The following RBMS3 variants were observed in gnomAD, a reference collection of about 807,000 sequenced individuals.
The protein encoded by RBMS3 is RNA binding motif single stranded interacting protein 3, also known as RNA-binding motif, single-stranded-interacting protein 3.
RBMS3 carries 27 observed loss-of-function variants against 66.8 expected under a neutral mutation model. The ratio of observed to expected loss-of-function variants is 0.40; its 90% CI spans 0.30 to 0.56. RBMS3 has a LOEUF of 0.56. RBMS3 is among the 20% of genes least tolerant of loss of function. The pLI is 0.40. For missense variants in RBMS3, 513 were observed against 549.5 expected (o/e 0.93, Z 0.66); for synonymous variants, 188 against 183.0 (o/e 1.03, Z -0.22).
intron 12 of RBMS3, among the ~76,000 whole-genome samples, chr3:29,947,099 A>G (rs1487674518): frequency 6.6e-6 from 1 of 151,636 alleles, no homozygotes; most frequent in Non-Finnish European, 1.5e-5. Flanking sequence ...AGCAGTTTCA[A>G]TGAGATGTAC....
chr3:29,801,329 G>A (rs12491017), intron 6 of RBMS3, among the ~76,000 whole-genome samples: 7,148 of 144,826 alleles, frequency 0.049, 251 homozygotes, highest in Admixed American at 0.087. Context: ...ATGCAGTGGT[G>A]TGATCTCTGC....
At chr3:29,500,065 T>G (rs2043907728) in intron 3 of RBMS3, among the ~76,000 whole-genome samples, 1 of 114,762 alleles carries the variant, frequency 8.7e-6, no homozygotes, top group Non-Finnish European at 1.7e-5. Context: ...AGAAGGATTT[T>G]CTTTTTTTTT....
chr3:29,787,931 G>T (rs1413136688), intron 6 of RBMS3, among the ~76,000 whole-genome samples: 1 of 152,052 alleles, frequency 6.6e-6, no homozygotes, highest in Non-Finnish European at 1.5e-5. Context: ...TTCTTCTAAT[G>T]TACATTTGAT....
intron 3 of RBMS3, among the ~76,000 whole-genome samples, chr3:29,494,775 C>T (rs1202067932): frequency 1.3e-5 from 2 of 152,134 alleles, no homozygotes; most frequent in Non-Finnish European, 2.9e-5. Flanking sequence ...AGGTTGGTTT[C>T]CCTTTTCTCC....
chr3:29,819,794 C>G (rs1401645987), intron 6 of RBMS3, among the ~76,000 whole-genome samples: 1 of 152,070 alleles, frequency 6.6e-6, no homozygotes. Flanking sequence ...AAGACATTTT[C>G]TAGTATATGA....
At chr3:29,858,404 G>T (rs2059133628) in intron 6 of RBMS3, among the ~76,000 whole-genome samples, 1 of 152,192 alleles carries the variant, frequency 6.6e-6, no homozygotes, top group African/African-American at 2.4e-5. Context: ...GAGGAATGAG[G>T]CAGGATCAGA....
chr3:29,582,507 T>G (rs2047368998), intron 3 of RBMS3, among the ~76,000 whole-genome samples: 1 of 152,216 alleles, frequency 6.6e-6, no homozygotes, highest in Non-Finnish European at 1.5e-5. Context: ...CTGCCAAGCT[T>G]AATTATGTAA....
intron 12 of RBMS3, among the ~76,000 whole-genome samples, chr3:29,970,131 G>A (rs1334156290): frequency 6.6e-6 from 1 of 152,106 alleles, no homozygotes; most frequent in Non-Finnish European, 1.5e-5. Context: ...ATATAATGTA[G>A]GAAACATGAC....
At chr3:29,983,067 C>T (rs1180591668) in intron 12 of RBMS3, among the ~76,000 whole-genome samples, 5 of 152,092 alleles carry the variant, frequency 3.3e-5, no homozygotes, top group Admixed American at 2.6e-4. Flanking sequence ...TCTCTAAGAA[C>T]TTGCTTTAGT....
chr3:29,986,508 T>C (rs1471221659), intron 12 of RBMS3, among the ~76,000 whole-genome samples: 8 of 152,234 alleles, frequency 5.3e-5, no homozygotes, highest in Non-Finnish European at 1.0e-4. Context: ...ACTCTCAGTA[T>C]AGCTAGTGTT....
At position 29,391,601 on chromosome 3, in the gene RBMS3, T is replaced by C. The variant is rs185394672; in HGVS notation, c.76-43142T>C. Among the ~76,000 whole-genome samples the C allele has an allele frequency of 2.6e-4, 40 of 152,302 alleles. No homozygotes were observed. In the East Asian group the frequency reaches 7.4e-3, roughly 28 times the overall value. On this transcript the variant is annotated intron_variant, in intron 1 of 14. Transcript: ENST00000383767. ...CACTCTTAGCTATAAGCTGAGAGTA[T>C]TCCTAGCATGCTATTTAAATCTGAC... is the stretch of plus-strand genomic sequence containing the variant.
At chr3:29,581,230 A>G (rs1465108124) in intron 3 of RBMS3, among the ~76,000 whole-genome samples, 1 of 152,202 alleles carries the variant, frequency 6.6e-6, no homozygotes, top group African/African-American at 2.4e-5. Flanking sequence ...TGAAGAAATG[A>G]GTAGGTTTTC....
chr3:29,518,517 G>T (rs1026098463), intron 3 of RBMS3, among the ~76,000 whole-genome samples: 1 of 152,074 alleles, frequency 6.6e-6, no homozygotes, highest in Non-Finnish European at 1.5e-5. Context: ...AGTAAAAGAA[G>T]GTCATTATTA....
intron 1 of RBMS3, among the ~76,000 whole-genome samples, chr3:29,408,989 T>C (rs941499712): frequency 1.3e-5 from 2 of 152,196 alleles, no homozygotes; most frequent in African/African-American, 2.4e-5. Context: ...TAGAATGCAA[T>C]AGACTATCAG....
intron 12 of RBMS3, among the ~76,000 whole-genome samples, chr3:29,956,828 G>T (rs1228028957): frequency 6.6e-6 from 1 of 151,988 alleles, no homozygotes; most frequent in Non-Finnish European, 1.5e-5. Context: ...TCCTTTTGCA[G>T]CTTTCAGGAC....
At chr3:29,945,472 T>G (rs1695245990) in intron 12 of RBMS3, among the ~76,000 whole-genome samples, 1 of 151,736 alleles carries the variant, frequency 6.6e-6, no homozygotes. Flanking sequence ...AAATTGCCAC[T>G]ACTGAAAATA....
Position 29,691,231 on chromosome 3 carries a change from A to G in RBMS3, c.400-48489A>G, listed in dbSNP as rs572282726. Among the ~76,000 whole-genome samples, 4 of 152,354 alleles carry G rather than the reference A, an allele frequency of 2.6e-5. No homozygotes were observed. The East Asian group carries it at 7.7e-4, about 29-fold the overall frequency. ...TCTTGAGGTATAAGTTCTTGTAAGT[A>G]TTTTGCAGAACAAAAGTTTTCTCTT... is the stretch of plus-strand genomic sequence containing the variant. On this transcript the variant is annotated intron_variant, in intron 4 of 14. Transcript: ENST00000383767.
intron 4 of RBMS3, among the ~76,000 whole-genome samples, chr3:29,688,303 C>T (rs2051823698): frequency 6.6e-6 from 1 of 151,972 alleles, no homozygotes; most frequent in African/African-American, 2.4e-5. Flanking sequence ...TTGCAGTGAT[C>T]CAAAAAATAC....
intron 4 of RBMS3, among the ~76,000 whole-genome samples, chr3:29,611,328 C>T (rs1006253987): frequency 6.6e-6 from 1 of 151,926 alleles, no homozygotes; most frequent in Non-Finnish European, 1.5e-5. Context: ...TTTGGTAAAA[C>T]ACGTTGGTGC....
Sources: gnomAD v4.1 joint callset for allele counts (sites outside exome capture counted in the v4.1 genomes callset) on GRCh38, gnomAD v4.1.1 for gene constraint, MANE v1.5 for transcripts, NCBI Gene and HGNC (gene_info 2026-07-23, HGNC 2026-07-21) for gene names.